Variants in MYO5B observed in about 807,000 individuals in gnomAD.
The protein encoded by MYO5B is unconventional myosin-Vb.
Under a neutral mutation model 229.3 loss-of-function variants are expected in MYO5B, and 143 were observed. The ratio of observed to expected loss-of-function variants is 0.62; its 90% CI spans 0.54 to 0.72. The LOEUF (loss-of-function observed/expected upper bound fraction) is 0.72. Among genes scored for constraint, MYO5B ranks in the 30% least tolerant of loss-of-function variants. MYO5B has a pLI of 0.00. For synonymous variants in MYO5B, 918 were observed against 885.2 expected (o/e 1.04, Z -0.66); for missense variants, 2,321 against 2,331.0 (o/e 1.00, Z 0.09).
intron 1 of MYO5B, among the ~76,000 whole-genome samples, chr18:50,186,563 A>G (rs1023742137): frequency 2.6e-5 from 4 of 152,152 alleles, no homozygotes; most frequent in African/African-American, 9.7e-5. Context: ...TCTTTCACCA[A>G]GTCTCCTTGT....
chr18:49,873,986 T>A (rs1598848710), intron 26 of MYO5B, among the ~76,000 whole-genome samples: 1 of 152,200 alleles, frequency 6.6e-6, no homozygotes, highest in East Asian at 1.9e-4. Context: ...CTCTCCAGAA[T>A]GAAGACCCAG....
intron 1 of MYO5B, among the ~76,000 whole-genome samples, chr18:50,154,419 C>T (rs1212097484): frequency 6.6e-6 from 1 of 152,178 alleles, no homozygotes; most frequent in African/African-American, 2.4e-5. Context: ...GTTAATGCTC[C>T]ACCATGCCTT....
intron 1 of MYO5B, among the ~76,000 whole-genome samples, chr18:50,157,129 G>A (rs1320061989): frequency 9.3e-5 from 14 of 151,284 alleles, no homozygotes; most frequent in African/African-American, 2.2e-4. Context: ...GTGGGGGGAC[G>A]GAGTCTCGCT....
intron 1 of MYO5B, among the ~76,000 whole-genome samples, chr18:50,093,222 ACACAGAGAGGCACACACACACAC>A (rs1568103765): frequency 1.1e-4 from 17 of 149,284 alleles, no homozygotes; most frequent in African/African-American, 3.8e-4. Context: ...ACACACACAC[ACACAGAGAGGCACACACACACAC>A]AAAAGAATAT....
Position 49,954,383 on chromosome 18 carries a change from G to C in MYO5B, c.1598C>G (p.Ser533Cys). The C allele has an allele frequency of 6.2e-7, 1 of 1,614,044 alleles. No individual in the cohort carries two copies. Among genetic ancestry groups the C allele is most frequent in the Non-Finnish European group, 8.5e-7 (1 of 1,179,988 alleles). Reference sequence around the variant, plus strand: ...GGGCTTCTGGAAGTGCTGGCTGCTGGAGTGCCGGTCATAGAGCTTCTGAGC... The same window carrying C: ...GGGCTTCTGGAAGTGCTGGCTGCTGCAGTGCCGGTCATAGAGCTTCTGAGC... ...NWAQKLYDRH[S>C]SSQHFQKPRM... The change falls in exon 13 of 40, where the codon TCC (serine) becomes TGC (cysteine). Residue 533 changes from serine (S) to cysteine (C), a missense_variant. Ser to Cys is a moderately radical substitution (Grantham distance 112, BLOSUM62 -1). This residue lies in a region of MYO5B where 2,113 missense variants were observed against 2,044.7 expected (regional missense o/e 1.03). Transcript: ENST00000285039.
At chr18:50,095,407 C>A (rs1384146970) in intron 1 of MYO5B, among the ~76,000 whole-genome samples, 2 of 152,214 alleles carry the variant, frequency 1.3e-5, no homozygotes, top group Non-Finnish European at 2.9e-5. Flanking sequence ...GAAGCAAGAT[C>A]TCATAAAACT....
chr18:49,863,944 G>T (rs2024362605), intron 28 of MYO5B, among the ~76,000 whole-genome samples, 197 bp downstream of exon 28: 1 of 152,210 alleles, frequency 6.6e-6, no homozygotes, highest in African/African-American at 2.4e-5. Flanking sequence ...CCAGAAGCTT[G>T]TAGCTGCATC....
chr18:49,934,090 G>A (rs538841864), intron 16 of MYO5B, among the ~76,000 whole-genome samples: 5 of 152,182 alleles, frequency 3.3e-5, no homozygotes, highest in African/African-American at 7.2e-5. Context: ...TTCCCAGGCC[G>A]CTCTCAAACT....
chr18:50,026,343 C>T (rs1330556176), intron 4 of MYO5B, among the ~76,000 whole-genome samples: 4 of 152,232 alleles, frequency 2.6e-5, no homozygotes, highest in African/African-American at 4.8e-5. Flanking sequence ...CACATTTAAA[C>T]GCTATTCTGG....
At chr18:49,916,815 C>T (rs4939916) in intron 17 of MYO5B, among the ~76,000 whole-genome samples, 3 of 152,138 alleles carry the variant, frequency 2.0e-5, no homozygotes, top group East Asian at 1.9e-4. Flanking sequence ...ATTCTCCTTT[C>T]GGTGGATTTC....
chr18:50,000,281 T>G (rs2026031610), intron 5 of MYO5B, among the ~76,000 whole-genome samples: 1 of 152,216 alleles, frequency 6.6e-6, no homozygotes, highest in Non-Finnish European at 1.5e-5. Context: ...CATGGAAACC[T>G]GATGCTATCT....
At chr18:50,113,709 C>G (rs1451026529) in intron 1 of MYO5B, among the ~76,000 whole-genome samples, 1 of 152,222 alleles carries the variant, frequency 6.6e-6, no homozygotes, top group Non-Finnish European at 1.5e-5. Flanking sequence ...TTTCTCATGG[C>G]AGAGTCCATC....
intron 1 of MYO5B, among the ~76,000 whole-genome samples, chr18:50,173,616 G>A (rs1027547740): frequency 3.9e-5 from 6 of 152,190 alleles, no homozygotes; most frequent in Admixed American, 1.3e-4. Flanking sequence ...CAAGAAGAGC[G>A]AGGATTCAAG....
intron 1 of MYO5B, among the ~76,000 whole-genome samples, chr18:50,162,169 T>C (rs1217347185): frequency 9.8e-5 from 15 of 152,362 alleles, no homozygotes; most frequent in Non-Finnish European, 5.9e-5. Flanking sequence ...CTCAAACTGT[T>C]CTGCATGGCC....
At chr18:49,831,347 GA>G (rs2023918958) in intron 39 of MYO5B, among the ~76,000 whole-genome samples, 2 of 152,138 alleles carry the variant, frequency 1.3e-5, no homozygotes, top group Admixed American at 1.3e-4. Flanking sequence ...CAGAATGGGA[GA>G]AAATACTTGC....
At chr18:49,916,525 C>T (rs141456674) in intron 17 of MYO5B, among the ~76,000 whole-genome samples, 108 of 152,330 alleles carry the variant, frequency 7.1e-4, no homozygotes, top group African/African-American at 2.5e-3. Context: ...GACCGGAATT[C>T]TCTTGTTTCC....
At position 49,864,178 on chromosome 18, in the gene MYO5B, A is replaced by G. The variant is rs367940436; in HGVS notation, c.3806T>C (p.Val1269Ala). 6.2e-7 allele frequency: 1 copy of G among 1,612,252 alleles called. No homozygotes were observed. The highest frequency in any genetic ancestry group is 1.1e-5 in the South Asian group (1 of 91,080). ...GGCGAGTCGCCGCTGGTCGGCGCTCACGATCTGGGTCCTGAGGATGAGCAC... is the reference window on the plus strand; with the variant it reads ...GGCGAGTCGCCGCTGGTCGGCGCTCGCGATCTGGGTCCTGAGGATGAGCAC... ...EEVLILRTQI[V>A]SADQRRLAGR... is the part of the protein sequence containing the mutation. Residue 1269 changes from valine to alanine, a missense_variant, in exon 28 of 40, where the codon GTG (valine) becomes GCG (alanine). Val to Ala is a moderately conservative substitution (Grantham distance 64, BLOSUM62 0). Coordinates refer to ENST00000285039, the MANE Select transcript of MYO5B (RefSeq NM_001080467.3).
intron 27 of MYO5B, among the ~76,000 whole-genome samples, chr18:49,866,110 C>G (rs928663890): frequency 1.3e-5 from 2 of 152,202 alleles, no homozygotes; most frequent in African/African-American, 4.8e-5. Context: ...GCTCTGTCGC[C>G]CAGGCTGGAG....
At position 50,179,720 on chromosome 18, in the gene MYO5B, A is replaced by G. The variant is rs189651216; in HGVS notation, c.27+15047T>C. Among the ~76,000 whole-genome samples the G allele has an allele frequency of 1.5e-3, 234 of 152,364 alleles. 2 individuals are homozygous for G. Among genetic ancestry groups the G allele is most frequent in the Non-Finnish European group, 2.4e-3 (161 of 68,042 alleles). ...GCTCTCTAAAGCCATGGAAGGCTTC[A>G]GCATTATTCTGGTCCCCTAGTACTG... is the stretch of plus-strand genomic sequence containing the variant. On this transcript the variant is annotated intron_variant, in intron 1 of 39. Coordinates refer to ENST00000285039, the MANE Select transcript of MYO5B (RefSeq NM_001080467.3).
Sources: gnomAD v4.1 joint callset for allele counts (sites outside exome capture counted in the v4.1 genomes callset) on GRCh38, gnomAD v4.1.1 for gene constraint, gnomAD v4.1.1 regional missense constraint, MANE v1.5 for transcripts, NCBI Gene and HGNC (gene_info 2026-07-23, HGNC 2026-07-21) for gene names.